The following AGBL4 variants were observed in gnomAD, a reference collection of about 807,000 sequenced individuals.
The protein encoded by AGBL4 is cytosolic carboxypeptidase 6.
In AGBL4, 58 loss-of-function variants were observed where a neutral mutation model predicts 66.4. The ratio of observed to expected loss-of-function variants is 0.87; its 90% CI spans 0.71 to 1.09. The LOEUF is 1.09. Among genes scored for constraint, AGBL4 ranks in the 50% least tolerant of loss-of-function variants. The pLI, the probability that AGBL4 is intolerant of heterozygous loss-of-function variation, is 0.00. For synonymous variants in AGBL4, 234 were observed against 222.9 expected (o/e 1.05, Z -0.44); for missense variants, 579 against 631.0 (o/e 0.92, Z 0.88).
chr1:48,793,541 T>C (rs1362538140), intron 6 of AGBL4, among the ~76,000 whole-genome samples: 1 of 152,164 alleles, frequency 6.6e-6, no homozygotes, highest in Non-Finnish European at 1.5e-5. Flanking sequence ...AAACTTCAGC[T>C]CCTGGCAAGA....
chr1:48,978,224 G>A (rs763803198), intron 5 of AGBL4, among the ~76,000 whole-genome samples: 4 of 152,176 alleles, frequency 2.6e-5, no homozygotes, highest in Admixed American at 1.3e-4. Context: ...GACTGTGTCC[G>A]TTATTCACCT....
At chr1:49,470,702 G>T (rs979263020) in intron 3 of AGBL4, among the ~76,000 whole-genome samples, 1 of 151,958 alleles carries the variant, frequency 6.6e-6, no homozygotes, top group African/African-American at 2.4e-5. Context: ...ATAATCTGAC[G>T]ACCTGGAAGT....
intron 3 of AGBL4, among the ~76,000 whole-genome samples, chr1:49,544,281 C>A (rs1425524261): frequency 6.6e-6 from 1 of 152,158 alleles, no homozygotes. Context: ...AATGTATCTG[C>A]CTCATGTAAG....
Position 48,736,534 on chromosome 1 carries a change from G to T in AGBL4, c.635-73293C>A. 8.5e-7 allele frequency: 1 copy of T among 1,174,740 alleles called. No homozygotes were observed. The highest frequency in any genetic ancestry group is 1.3e-6 in the Non-Finnish European group (1 of 799,640). 72.8% of individuals were successfully genotyped at this position (1,174,740 alleles called of 1,614,324 possible). On this transcript the variant is annotated intron_variant, in intron 6 of 13. Coordinates refer to ENST00000371839, the MANE Select transcript of AGBL4 (RefSeq NM_032785.4). This position sits in a 1 kb window ranked among gnomAD's most constrained non-coding sequence, Gnocchi z 4.0. ...CTTCTCTTGTCCTTTAAAAAGCATT[G>T]CTGCACAACTGTAAGAGATTCATGT...
At chr1:48,717,548 A>C (rs865911028) in intron 6 of AGBL4, among the ~76,000 whole-genome samples, 1 of 152,184 alleles carries the variant, frequency 6.6e-6, no homozygotes, top group Non-Finnish European at 1.5e-5. Flanking sequence ...GCGTGCATGC[A>C]GGTAATTTTC....
chr1:49,880,854 G>C (rs1235820118), intron 1 of AGBL4, among the ~76,000 whole-genome samples: 1 of 152,072 alleles, frequency 6.6e-6, no homozygotes, highest in African/African-American at 2.4e-5. Flanking sequence ...GTGGGATATA[G>C]TCTCGTGGTG....
chr1:48,729,208 T>C (rs1335860985), intron 6 of AGBL4, among the ~76,000 whole-genome samples: 1 of 152,236 alleles, frequency 6.6e-6, no homozygotes, highest in African/African-American at 2.4e-5. Context: ...GAGTATTTTA[T>C]GTATTTACAA....
chr1:49,104,933 A>C (rs764113732), intron 4 of AGBL4, among the ~76,000 whole-genome samples: 2 of 152,168 alleles, frequency 1.3e-5, no homozygotes, highest in African/African-American at 2.4e-5. Context: ...TAGAGCTGGG[A>C]GATATCACAT....
intron 8 of AGBL4, among the ~76,000 whole-genome samples, chr1:48,646,513 ATGTG>A (rs61233999): frequency 0.011 from 1,386 of 131,508 alleles, 14 homozygotes; most frequent in African/African-American, 0.034. Flanking sequence ...ACCAGTTATA[ATGTG>A]TGTGTGTGTG....
At position 48,954,006 on chromosome 1, in the gene AGBL4, C is replaced by G. The variant is rs192435803; in HGVS notation, c.595-86776G>C. 3.1e-3 allele frequency among the ~76,000 whole-genome samples: 476 copies of G among 152,326 alleles called. 2 individuals are homozygous for G. The highest frequency in any genetic ancestry group is 0.011 in the African/African-American group (457 of 41,572). On this transcript the variant is annotated intron_variant, in intron 5 of 13. Coordinates refer to ENST00000371839, the MANE Select transcript of AGBL4 (RefSeq NM_032785.4). The stretch of plus-strand genomic sequence containing the variant: ...ACAAATGATGAGTAGTACGATTGTT[C>G]TAGCTGCCCCGAGCAGAGTGCTTAG...
chr1:49,963,870 TC>T (rs1314770584), intron 1 of AGBL4, among the ~76,000 whole-genome samples: 2 of 151,698 alleles, frequency 1.3e-5, no homozygotes, highest in Non-Finnish European at 2.9e-5. Flanking sequence ...CTCCCTTCTC[TC>T]CCCAAAAATT....
At chr1:49,831,628 C>A (rs1645682408) in intron 2 of AGBL4, among the ~76,000 whole-genome samples, 5 of 152,122 alleles carry the variant, frequency 3.3e-5, no homozygotes. Flanking sequence ...ATTGCCCTGG[C>A]CAGAACTTCC....
chr1:48,949,868 A>G (rs113841095), intron 5 of AGBL4, among the ~76,000 whole-genome samples: 60 of 152,348 alleles, frequency 3.9e-4, no homozygotes, highest in African/African-American at 1.3e-3. Context: ...ATTTTAAATT[A>G]CTGAATTGAA....
intron 3 of AGBL4, among the ~76,000 whole-genome samples, chr1:49,259,428 C>A (rs1460800898): frequency 6.6e-6 from 1 of 152,020 alleles, no homozygotes; most frequent in African/African-American, 2.4e-5. Flanking sequence ...TGTGCAGAGA[C>A]ACACATAGGC....
intron 5 of AGBL4, among the ~76,000 whole-genome samples, chr1:49,016,263 C>G (rs1662817243): frequency 6.6e-6 from 1 of 152,160 alleles, no homozygotes; most frequent in African/African-American, 2.4e-5. Flanking sequence ...TCCAGAGATG[C>G]TGGGTGCCTA....
intron 6 of AGBL4, among the ~76,000 whole-genome samples, chr1:48,784,997 A>G (rs1298631520): frequency 6.6e-6 from 1 of 152,242 alleles, no homozygotes; most frequent in Non-Finnish European, 1.5e-5. Flanking sequence ...ATGAATTTCA[A>G]TTAGGGGCCA....
intron 1 of AGBL4, among the ~76,000 whole-genome samples, chr1:49,951,242 G>GT (rs1339321072): frequency 6.6e-6 from 1 of 151,750 alleles, no homozygotes. Context: ...TCAGAAAAAG[G>GT]TAAGTATGTG....
intron 4 of AGBL4, among the ~76,000 whole-genome samples, chr1:49,062,672 T>C (rs1243191678): frequency 6.6e-6 from 1 of 152,178 alleles, no homozygotes; most frequent in African/African-American, 2.4e-5. Flanking sequence ...ATTTTAATCA[T>C]GTTCTCAATG....
chr1:48,607,510 C>T (rs1030851713), intron 9 of AGBL4, among the ~76,000 whole-genome samples: 2 of 152,008 alleles, frequency 1.3e-5, no homozygotes, highest in Admixed American at 1.3e-4. Flanking sequence ...CCCAGCTCCT[C>T]AGGAGGCTGA....
Sources: gnomAD v4.1 joint callset for allele counts (sites outside exome capture counted in the v4.1 genomes callset) on GRCh38, gnomAD v4.1.1 for gene constraint, Gnocchi (gnomAD v3.1) non-coding constraint, MANE v1.5 for transcripts, NCBI Gene and HGNC (gene_info 2026-07-23, HGNC 2026-07-21) for gene names.